Variants in PIGF observed in about 807,000 individuals in gnomAD.
The protein encoded by PIGF is GPI ethanolamine phosphate transferase, stabilizing subunit.
PIGF carries 23 observed loss-of-function variants against 26.0 expected under a neutral mutation model. That is an observed-to-expected ratio of 0.88 (90% CI 0.64 to 1.25). The LOEUF (loss-of-function observed/expected upper bound fraction) is 1.25. PIGF is among the 50% of genes most tolerant of loss of function. The pLI is 0.00. For synonymous variants in PIGF, 93 were observed against 92.6 expected, an observed-to-expected ratio of 1.00 and a Z score of -0.03; for missense variants, 278 against 249.9, an observed-to-expected ratio of 1.11 and a Z score of -0.76.
In PIGF at chr2:46,592,543, T is replaced by C. The variant is rs1434404549; in HGVS notation, c.478A>G (p.Ile160Val). The C allele has an allele frequency of 3.7e-6, 6 of 1,608,930 alleles. No homozygotes were observed. The highest frequency in any genetic ancestry group is 5.1e-6 in the Non-Finnish European group (6 of 1,175,276). ...IWENSLQITT[I>V]SSFVGAWLGA... is the part of the protein sequence containing the mutation. ...AGCCATGCTCCTACAAAGCTAGAAA[T>C]TGTAGTGATCTGGAGACTATTCTCC... Residue 160 changes from isoleucine (I) to valine (V), a missense_variant, in exon 5 of 6, where the codon ATT becomes GTT. Ile to Val is a conservative substitution (Grantham distance 29). Transcript: ENST00000281382.
rs1325427025 is a variant in PIGF, at chr2:46,588,442, CATTA to C, written c.546+4029_546+4032del. 1.2e-5 allele frequency: 4 copies of C among 328,380 alleles called. No homozygotes were observed. The highest frequency in any genetic ancestry group is 4.4e-5 in the African/African-American group (2 of 45,296). 20.3% of individuals were successfully genotyped at this position (328,380 alleles called of 1,614,324 possible). On this transcript the variant is annotated intron_variant, in intron 5 of 5. Coordinates refer to ENST00000281382, the MANE Select transcript of PIGF (RefSeq NM_002643.4). This position sits in a 1 kb window ranked among gnomAD's most constrained non-coding sequence, Gnocchi z 4.1. ...TTTTCTAGGTCACAAATGCCTGTAACATTAATTAAGTAATAACCATGTGTCAGGT... is the reference window on the plus strand; with the variant it reads ...TTTTCTAGGTCACAAATGCCTGTAACATTAAGTAATAACCATGTGTCAGGT...
chr2:46,611,270 G>C (rs546318697), intron 4 of PIGF, among the ~76,000 whole-genome samples: 51 of 152,170 alleles, frequency 3.4e-4, no homozygotes, highest in Middle Eastern at 3.4e-3. Flanking sequence ...GGCGGATCAT[G>C]AGGTCGAGAT....
Position 46,615,117 on chromosome 2 carries a change from G to T in PIGF, c.48C>A (p.Cys16Ter), listed in dbSNP as rs1263490880. 1.9e-6 allele frequency: 3 copies of T among 1,580,420 alleles called. No homozygotes were observed. The highest frequency in any genetic ancestry group is 2.6e-6 in the Non-Finnish European group (3 of 1,149,468). Reference sequence around the variant, plus strand: ...AGACACTTAGGATAATTGAAAATATGCATAAAAGATGGGTATACAGTAGTC... The same window carrying T: ...AGACACTTAGGATAATTGAAAATATTCATAAAAGATGGGTATACAGTAGTC... ...IKRLLYTHLL[C>*]IFSIILSVFI... The change falls in exon 2 of 6, where the codon TGC becomes TGA. Residue 16 changes from cysteine to a stop codon, truncating the protein, a stop_gained. Coordinates refer to ENST00000281382, the MANE Select transcript of PIGF (RefSeq NM_002643.4). LOFTEE classifies it high-confidence loss of function.
chr2:46,587,648 G>A (rs190960627), intron 5 of PIGF, among the ~76,000 whole-genome samples: 4 of 152,176 alleles, frequency 2.6e-5, no homozygotes, highest in African/African-American at 7.2e-5. Context: ...CATCCTAGCC[G>A]AGACTTGATT....
intron 2 of PIGF, 24 bp from the exon 3 acceptor site, chr2:46,613,809 A>G: frequency 6.6e-7 from 1 of 1,504,802 alleles, no homozygotes; most frequent in Non-Finnish European, 9.0e-7. Flanking sequence ...GAATAACCTG[A>G]AGATTCAAGA....
At chr2:46,594,241 G>C (rs958161257) in intron 4 of PIGF, among the ~76,000 whole-genome samples, 1 of 152,198 alleles carries the variant, frequency 6.6e-6, no homozygotes, top group Non-Finnish European at 1.5e-5. Flanking sequence ...TGATGACTAA[G>C]CTTCAACTTA....
chr2:46,598,504 A>C (rs1043084509), intron 4 of PIGF, among the ~76,000 whole-genome samples: 1 of 149,398 alleles, frequency 6.7e-6, no homozygotes, highest in African/African-American at 2.5e-5. Context: ...ACACAAATTC[A>C]TAAACTTTCT....
intron 5 of PIGF, chr2:46,592,008 A>G: frequency 7.8e-7 from 1 of 1,276,418 alleles, no homozygotes; most frequent in African/African-American, 1.5e-5. Context: ...GGCAATAAAT[A>G]TCAAAGTTGA....
chr2:46,596,351 T>TA (rs1314786402), intron 4 of PIGF, among the ~76,000 whole-genome samples: 1 of 152,096 alleles, frequency 6.6e-6, no homozygotes, highest in Non-Finnish European at 1.5e-5. Flanking sequence ...TTTATTAAAA[T>TA]AAAAAATATG....
At chr2:46,591,575 A>C in intron 5 of PIGF, 1 of 944,730 alleles carries the variant, frequency 1.1e-6, no homozygotes, top group Non-Finnish European at 1.3e-6. Context: ...ATAGATTCAA[A>C]GATTTTATCA....
intron 4 of PIGF, among the ~76,000 whole-genome samples, chr2:46,605,032 AAT>A (rs1670174893): frequency 6.6e-6 from 1 of 152,078 alleles, no homozygotes; most frequent in Non-Finnish European, 1.5e-5. Context: ...GTTGTGATTC[AAT>A]ATGAATAATG....
rs1008299856 is a variant in PIGF at position 46,581,384 on chromosome 2, C to G, written c.*94G>C. On this transcript the variant is annotated 3_prime_UTR_variant, in exon 6 of 6. Coordinates refer to ENST00000281382, the MANE Select transcript of PIGF (RefSeq NM_002643.4). ...CATCATGTTGTAACTACGTAAAAAACAGAGCTGTAAATGGAACTGCTTGGC... is the reference window on the plus strand; with the variant it reads ...CATCATGTTGTAACTACGTAAAAAAGAGAGCTGTAAATGGAACTGCTTGGC... 1 of 1,514,834 alleles carries G rather than the reference C, an allele frequency of 6.6e-7. No homozygotes were observed. The highest frequency in any genetic ancestry group is 1.4e-5 in the African/African-American group (1 of 71,780). The allele number at this position is 1,514,834 out of a possible 1,614,324, so 93.8% of individuals were successfully genotyped here.
At position 46,589,884 on chromosome 2, in the gene PIGF, AC is replaced by A. The variant is rs1669677273; in HGVS notation, c.546+2590del. On this transcript the variant is annotated intron_variant, in intron 5 of 5. Transcript: ENST00000281382. This position sits in a 1 kb window ranked among gnomAD's most constrained non-coding sequence, Gnocchi z 4.7. ...GCTGGAAATAAAAAGTGAAAAAAAAACCTCATTTCTTTAGTTTATTAGTAAA... is the reference window on the plus strand; with the variant it reads ...GCTGGAAATAAAAAGTGAAAAAAAAACTCATTTCTTTAGTTTATTAGTAAA... 6.6e-6 allele frequency among the ~76,000 whole-genome samples: 1 copy of A among 152,142 alleles called. No individual in the cohort carries two copies. Among genetic ancestry groups the A allele is most frequent in the African/African-American group, 2.4e-5 (1 of 41,562 alleles).
intron 4 of PIGF, among the ~76,000 whole-genome samples, chr2:46,608,022 A>C (rs1670279847): frequency 6.6e-6 from 1 of 152,204 alleles, no homozygotes; most frequent in South Asian, 2.1e-4. Flanking sequence ...GTGAAATTTT[A>C]ACCATGAAGT....
intron 2 of PIGF, 38 bp downstream of exon 2, chr2:46,614,899 C>A: frequency 1.1e-6 from 1 of 932,784 alleles, no homozygotes; most frequent in South Asian, 1.4e-5. Context: ...GAAACACTAG[C>A]TCCATCCAAA....
intron 4 of PIGF, among the ~76,000 whole-genome samples, chr2:46,596,601 G>A (rs905516430): frequency 2.0e-5 from 3 of 151,610 alleles, no homozygotes; most frequent in Admixed American, 1.3e-4. Context: ...CCCCACTCCT[G>A]ATGTCTGCTC....
intron 4 of PIGF, among the ~76,000 whole-genome samples, chr2:46,598,130 C>A (rs1263957399): frequency 6.6e-6 from 1 of 151,980 alleles, no homozygotes; most frequent in East Asian, 1.9e-4. Context: ...TTTGTCTCTA[C>A]TTCCGTTGAG....
At chr2:46,613,280 T>G (rs1363497887) in intron 3 of PIGF, among the ~76,000 whole-genome samples, 2 of 152,174 alleles carry the variant, frequency 1.3e-5, no homozygotes, top group African/African-American at 4.8e-5. Flanking sequence ...ACCAGCTTAT[T>G]CAGTATTTGA....
In PIGF at chr2:46,592,733, C is replaced by T. The variant is rs1669759997; in HGVS notation, c.438-150G>A. 3 of 577,152 alleles carry T rather than the reference C, an allele frequency of 5.2e-6. No homozygotes were observed. The South Asian group carries it at 6.5e-5, about 13-fold the overall frequency. The allele number at this position is 577,152 out of a possible 1,614,324, so 35.8% of individuals were successfully genotyped here. A position where few individuals can be genotyped will look rare whatever the true frequency, so the allele number is the denominator to read the frequency against. On this transcript the variant is annotated intron_variant, in intron 4 of 5. Coordinates refer to ENST00000281382, the MANE Select transcript of PIGF (RefSeq NM_002643.4). ...ATGACATATACATATTTACCATGAA[C>T]TATTAATAGTTAATTGGTAAGAAGA...
Sources: gnomAD v4.1 joint callset for allele counts (sites outside exome capture counted in the v4.1 genomes callset) on GRCh38, gnomAD v4.1.1 for gene constraint, Gnocchi (gnomAD v3.1) non-coding constraint, MANE v1.5 for transcripts, NCBI Gene and HGNC (gene_info 2026-07-23, HGNC 2026-07-21) for gene names.